Variants in ANXA8 observed in about 807,000 individuals in gnomAD.
ANXA8 encodes the protein VAC-beta.
In ANXA8, 9 loss-of-function variants were observed where a neutral mutation model predicts 26.8. That is an observed-to-expected ratio of 0.34 (90% CI 0.20 to 0.59). ANXA8 has a LOEUF of 0.59. ANXA8 is among the 20% of genes least tolerant of loss of function. The probability of loss-of-function intolerance (pLI) is 0.84; values close to 1 mark genes in which losing one functional copy is unlikely to be tolerated. For missense variants in ANXA8, 83 were observed against 238.5 expected (o/e 0.35, Z 4.29); for synonymous variants, 39 against 94.8 (o/e 0.41, Z 3.42).
chr10:47,743,405 T>TGTGTGA, the ANXA8 span, among the ~76,000 whole-genome samples: 110 of 83,516 alleles, frequency 1.3e-3, no homozygotes, highest in Middle Eastern at 6.0e-3. Context: ...TGTGTGTGTG[T>TGTGTGA]GAGAGAGAGA....
chr10:47,571,450 A>G, the ANXA8 span, among the ~76,000 whole-genome samples: 18 of 149,990 alleles, frequency 1.2e-4, 1 homozygote, highest in African/African-American at 4.3e-4. Context: ...ATTCGATGCT[A>G]TTTATCTGTT....
the ANXA8 span, among the ~76,000 whole-genome samples, chr10:47,742,990 T>TAAAAAAAA: frequency 2.2e-5 from 2 of 91,520 alleles, no homozygotes; most frequent in Non-Finnish European, 4.4e-5. Flanking sequence ...CCGTCTCTAC[T>TAAAAAAAA]AAAAAAAAAA....
chr10:47,535,520 G>A, the ANXA8 span, among the ~76,000 whole-genome samples: 1 of 144,040 alleles, frequency 6.9e-6, no homozygotes, highest in African/African-American at 2.8e-5. Context: ...TTCCAGAGTT[G>A]AAGCAGTTTC....
the ANXA8 span, among the ~76,000 whole-genome samples, chr10:47,632,081 TA>T: frequency 6.6e-6 from 1 of 152,270 alleles, no homozygotes; most frequent in Non-Finnish European, 1.5e-5. Flanking sequence ...GAGTCTTAAG[TA>T]TAGACACAGA....
chr10:47,960,388 G>A, the ANXA8 span, among the ~76,000 whole-genome samples: 1 of 144,434 alleles, frequency 6.9e-6, no homozygotes, highest in Non-Finnish European at 1.5e-5. Context: ...AACACTGATG[G>A]CCTCCCTCCT....
the ANXA8 span, among the ~76,000 whole-genome samples, chr10:47,744,994 A>T: frequency 2.0e-5 from 3 of 151,894 alleles, no homozygotes; most frequent in Non-Finnish European, 4.4e-5. Context: ...CTTCCTCTTG[A>T]TTCCTCCCCC....
upstream of ANXA8, among the ~76,000 whole-genome samples, chr10:47,487,815 C>G (rs1252281165): frequency 2.1e-5 from 3 of 144,718 alleles, no homozygotes; most frequent in Non-Finnish European, 3.0e-5. Context: ...TTTGGATTGT[C>G]AAATTTACTT....
chr10:47,955,273 CTTT>C, the ANXA8 span, among the ~76,000 whole-genome samples: 280 of 143,576 alleles, frequency 2.0e-3, no homozygotes, highest in African/African-American at 6.8e-3. Context: ...TCCATTAAAT[CTTT>C]TTTTTTTTTT....
the ANXA8 span, among the ~76,000 whole-genome samples, chr10:47,614,375 G>A: frequency 1.3e-5 from 1 of 74,768 alleles, no homozygotes; most frequent in Non-Finnish European, 3.5e-5. Flanking sequence ...ACTGAGCAGT[G>A]TGCTTTGCTT....
chr10:47,735,434 G>A, the ANXA8 span, among the ~76,000 whole-genome samples: 1 of 148,066 alleles, frequency 6.8e-6, no homozygotes, highest in Non-Finnish European at 1.5e-5. Flanking sequence ...ATGGATGAAT[G>A]AAAGTGAGAA....
chr10:47,589,976 T>C, the ANXA8 span, among the ~76,000 whole-genome samples: 2 of 145,242 alleles, frequency 1.4e-5, no homozygotes, highest in African/African-American at 5.7e-5. Flanking sequence ...CAGCATCTGC[T>C]TGGTGAAGAG....
At chr10:47,603,755 C>T in the ANXA8 span, among the ~76,000 whole-genome samples, 1 of 144,380 alleles carries the variant, frequency 6.9e-6, no homozygotes, top group African/African-American at 2.8e-5. Context: ...AGATGATCTG[C>T]CTGTGCCTCG....
At chr10:47,701,163 T>C in the ANXA8 span, among the ~76,000 whole-genome samples, 2 of 149,308 alleles carry the variant, frequency 1.3e-5, no homozygotes, top group African/African-American at 2.5e-5. Flanking sequence ...TAAAACTACA[T>C]GGAGATACCA....
the ANXA8 span, chr10:47,502,372 G>A: frequency 1.2e-6 from 2 of 1,609,180 alleles, no homozygotes; most frequent in African/African-American, 1.4e-5. Flanking sequence ...CTGGCCCAGG[G>A]ACAGCTCAGT....
chr10:47,589,105 C>T, the ANXA8 span: 2 of 146,674 alleles, frequency 1.4e-5, no homozygotes, highest in Admixed American at 6.6e-5. Context: ...TGAGTCACCA[C>T]ACCTGGCCCT....
the ANXA8 span, chr10:47,762,678 GGCTGGGGCTGGGCT>G: frequency 4.6e-6 from 4 of 861,608 alleles, no homozygotes; most frequent in Non-Finnish European, 6.1e-6. Flanking sequence ...CGGTCTGGGC[GGCTGGGGCTGGGCT>G]GCCAGGCCGT....
chr10:47,959,032 G>A, the ANXA8 span, among the ~76,000 whole-genome samples: 4 of 149,912 alleles, frequency 2.7e-5, no homozygotes, highest in Admixed American at 1.3e-4. Context: ...TGAGGGCTGG[G>A]GGAGGGCCGG....
chr10:47,564,197 C>T, the ANXA8 span: 1 of 515,916 alleles, frequency 1.9e-6, no homozygotes, highest in Non-Finnish European at 3.4e-6. Context: ...ACACTTGGGC[C>T]GTCGGAGCAG....
the ANXA8 span, among the ~76,000 whole-genome samples, chr10:47,680,574 G>T: frequency 1.3e-5 from 2 of 151,736 alleles, no homozygotes; most frequent in Non-Finnish European, 2.9e-5. Context: ...GGCAGAGGTT[G>T]CAGTGAGCTG....
Sources: allele counts gnomAD v4.1 joint callset (sites outside exome capture counted in the v4.1 genomes callset), GRCh38; gene constraint gnomAD v4.1.1; transcripts MANE v1.5; gene names NCBI Gene and HGNC (gene_info 2026-07-23, HGNC 2026-07-21).